ADGB: variants seen among roughly 807,000 people sequenced by gnomAD.
ADGB encodes the protein calpain-7-like protein.
ADGB carries 172 observed loss-of-function variants against 210.5 expected under a neutral mutation model. That is an observed-to-expected ratio of 0.82 (90% CI 0.72 to 0.93). The LOEUF (loss-of-function observed/expected upper bound fraction) is 0.93, where lower values mean the gene tolerates loss of function less well. ADGB is among the 40% of genes least tolerant of loss of function. The probability of loss-of-function intolerance (pLI) is 0.00; values close to 1 mark genes in which losing one functional copy is unlikely to be tolerated. For missense variants in ADGB, 2,025 were observed against 1,964.8 expected (o/e 1.03, Z -0.58); for synonymous variants, 658 against 662.7 (o/e 0.99, Z 0.11).
At chr6:146,764,927 G>A in intron 28 of ADGB, among the ~76,000 whole-genome samples, 1 of 152,066 alleles carries the variant, frequency 6.6e-6, no homozygotes, top group East Asian at 1.9e-4. Flanking sequence ...AGCCTCCTGA[G>A]TAACTGGGAT....
At chr6:146,616,242 G>T (rs9497579) in intron 1 of ADGB, among the ~76,000 whole-genome samples, 1 of 149,374 alleles carries the variant, frequency 6.7e-6, no homozygotes, top group Non-Finnish European at 1.5e-5. Flanking sequence ...GAGATAATTT[G>T]CCTATTTTTT....
At chr6:146,723,988 T>G (rs1776858527) in intron 17 of ADGB, among the ~76,000 whole-genome samples, 198 bp from the exon 18 acceptor site, 1 of 152,080 alleles carries the variant, frequency 6.6e-6, no homozygotes, top group African/African-American at 2.4e-5. Flanking sequence ...GGAAGAATAT[T>G]GAACAGGGAG....
chr6:146,599,352 T>C (rs539504177), intron 1 of ADGB, among the ~76,000 whole-genome samples: 1 of 152,266 alleles, frequency 6.6e-6, no homozygotes, highest in African/African-American at 2.4e-5. Flanking sequence ...GGTGTTCAGC[T>C]CCCATGGGTG....
At chr6:146,673,442 T>C (rs1438657674) in intron 8 of ADGB, among the ~76,000 whole-genome samples, 1 of 152,196 alleles carries the variant, frequency 6.6e-6, no homozygotes, top group Non-Finnish European at 1.5e-5. Context: ...GCATCTTTGT[T>C]GTCGTTATCC....
At chr6:146,747,781 G>A (rs200716237) in intron 26 of ADGB, among the ~76,000 whole-genome samples, 1 of 103,988 alleles carries the variant, frequency 9.6e-6, no homozygotes, top group Non-Finnish European at 2.0e-5. Context: ...ATATATATAT[G>A]TATTTTTTTT....
At chr6:146,700,774 C>A (rs923438478) in intron 12 of ADGB, among the ~76,000 whole-genome samples, 167 bp from the exon 13 acceptor site, 5 of 152,042 alleles carry the variant, frequency 3.3e-5, no homozygotes, top group Admixed American at 6.6e-5. Flanking sequence ...AGAAAGATAT[C>A]CAATGTTTTA....
intron 32 of ADGB, among the ~76,000 whole-genome samples, chr6:146,787,618 C>G (rs1303433312): frequency 1.3e-5 from 2 of 151,022 alleles, no homozygotes; most frequent in Non-Finnish European, 2.9e-5. Context: ...GACTATCTGC[C>G]TCTTATTTCA....
intron 9 of ADGB, among the ~76,000 whole-genome samples, chr6:146,682,176 C>T (rs1287021263): frequency 6.6e-6 from 1 of 151,988 alleles, no homozygotes; most frequent in Non-Finnish European, 1.5e-5. Flanking sequence ...CTCAAAATTT[C>T]AGGCTGAAAT....
chr6:146,765,203 C>T (rs1777554441), intron 28 of ADGB, among the ~76,000 whole-genome samples: 1 of 151,852 alleles, frequency 6.6e-6, no homozygotes, highest in Admixed American at 6.6e-5. Flanking sequence ...ATTATCTAGA[C>T]ACAATAAATA....
intron 33 of ADGB, among the ~76,000 whole-genome samples, chr6:146,799,058 CAAAAAAAAA>C (rs71552962): frequency 1.6e-5 from 1 of 63,514 alleles, no homozygotes; most frequent in Admixed American, 2.1e-4. Context: ...TATGGAAATG[CAAAAAAAAA>C]AAAAAAAAAA....
At chr6:146,694,491 T>C (rs544057962) in intron 12 of ADGB, among the ~76,000 whole-genome samples, 7 of 152,218 alleles carry the variant, frequency 4.6e-5, no homozygotes, top group Admixed American at 3.3e-4. Flanking sequence ...TATTTCAGGG[T>C]TTAGGATCTC....
intron 1 of ADGB, among the ~76,000 whole-genome samples, chr6:146,610,952 G>A (rs1780699898): frequency 6.6e-6 from 1 of 152,108 alleles, no homozygotes; most frequent in South Asian, 2.1e-4. Context: ...GGGTCTGCAT[G>A]TGTGCTCATG....
intron 13 of ADGB, among the ~76,000 whole-genome samples, chr6:146,701,607 C>T (rs1776491016): frequency 1.3e-5 from 2 of 151,930 alleles, no homozygotes; most frequent in Admixed American, 6.6e-5. Context: ...ACAAGAGTTT[C>T]TTTAGTTTCA....
At position 146,716,970 on chromosome 6, in the gene ADGB, C is replaced by T. The variant is rs185162223; in HGVS notation, c.1829C>T (p.Thr610Ile). 3.2e-6 allele frequency: 5 copies of T among 1,551,526 alleles called. No individual in the cohort carries two copies. Among genetic ancestry groups the T allele is most frequent in the Non-Finnish European group, 4.4e-6 (5 of 1,146,910 alleles). ...NLEREIVSQTTATQEKSQEEL... is the reference protein window; with the variant it reads ...NLEREIVSQTIATQEKSQEEL... ...GAAAGAGAGATAGTCAGCCAGACCA[C>T]AGCAACACAGGAAAAGTCACAGGAA... Residue 610 changes from threonine (T) to isoleucine (I), a missense_variant, in exon 15 of 36, where the codon ACA becomes ATA. By Grantham distance (89) the Thr-to-Ile change is moderately conservative. Transcript: ENST00000397944.
intron 2 of ADGB, among the ~76,000 whole-genome samples, chr6:146,640,953 G>A (rs554378480): frequency 3.3e-5 from 5 of 151,978 alleles, no homozygotes; most frequent in African/African-American, 9.6e-5. Context: ...CATCCAAATA[G>A]GAAGAGAAGA....
intron 33 of ADGB, among the ~76,000 whole-genome samples, chr6:146,792,467 G>A (rs1019333779): frequency 2.0e-5 from 3 of 152,082 alleles, no homozygotes; most frequent in African/African-American, 7.2e-5. Context: ...AACTAATAAG[G>A]TAATCTTTAA....
chr6:146,600,934 A>G (rs71566451), intron 1 of ADGB, among the ~76,000 whole-genome samples: 59,057 of 133,270 alleles, frequency 0.44, 14,433 homozygotes, highest in Non-Finnish European at 0.54. Context: ...GCGCACACAC[A>G]CACACACACA....
chr6:146,648,313 A>C (rs1479323185), intron 3 of ADGB, among the ~76,000 whole-genome samples: 1 of 151,986 alleles, frequency 6.6e-6, no homozygotes, highest in East Asian at 1.9e-4. Flanking sequence ...TGGTCTCCCA[A>C]AGTGCTAGGA....
intron 6 of ADGB, 166 bp downstream of exon 6, chr6:146,664,506 T>A: frequency 1.6e-6 from 1 of 627,976 alleles, no homozygotes; most frequent in Non-Finnish European, 2.4e-6. Flanking sequence ...AACCACTGAT[T>A]TTTTCTATTA....
Sources: gnomAD v4.1 joint callset for allele counts (sites outside exome capture counted in the v4.1 genomes callset) on GRCh38, gnomAD v4.1.1 for gene constraint, MANE v1.5 for transcripts, NCBI Gene and HGNC (gene_info 2026-07-23, HGNC 2026-07-21) for gene names.